The following C12orf56 variants were observed in gnomAD, a reference collection of about 807,000 sequenced individuals.
C12orf56 encodes the protein uncharacterized protein C12orf56.
C12orf56 carries 71 observed loss-of-function variants against 69.9 expected under a neutral mutation model. That is an observed-to-expected ratio of 1.02 (90% confidence interval 0.84 to 1.24). The LOEUF (loss-of-function observed/expected upper bound fraction) is 1.24, where lower values mean the gene tolerates loss of function less well. C12orf56 is among the 50% of genes most tolerant of loss of function. The probability of loss-of-function intolerance (pLI) is 0.00; values close to 1 mark genes in which losing one functional copy is unlikely to be tolerated. For missense variants in C12orf56, 732 were observed against 738.5 expected (o/e 0.99, Z 0.10); for synonymous variants, 276 against 274.1 (o/e 1.01, Z -0.07).
At chr12:64,309,062 T>C (rs900249618) in intron 5 of C12orf56, among the ~76,000 whole-genome samples, 1 of 152,208 alleles carries the variant, frequency 6.6e-6, no homozygotes, top group Non-Finnish European at 1.5e-5. Flanking sequence ...TTTGCCAATC[T>C]TGTTTTATCT....
intron 1 of C12orf56, among the ~76,000 whole-genome samples, chr12:64,379,957 C>G (rs1265280427): frequency 1.3e-5 from 2 of 148,880 alleles, no homozygotes; most frequent in African/African-American, 5.0e-5. Context: ...AAAAAGTCTC[C>G]GGGCGTGATG....
intron 6 of C12orf56, among the ~76,000 whole-genome samples, chr12:64,296,849 T>A (rs2038372037): frequency 7.1e-6 from 1 of 141,294 alleles, no homozygotes; most frequent in African/African-American, 2.6e-5. Context: ...GATAAAAAGA[T>A]GAGTTTGGCC....
In C12orf56 at chr12:64,275,232, T is replaced by C. The variant is rs1028595604; in HGVS notation, c.1509+66A>G. 1.4e-4 allele frequency: 99 copies of C among 717,638 alleles called. No homozygotes were observed. In the African/African-American group the frequency reaches 2.1e-3, roughly 15 times the overall value. 44.5% of individuals were successfully genotyped at this position (717,638 alleles called of 1,614,324 possible). On this transcript the variant is annotated intron_variant, in intron 10 of 12. Coordinates refer to ENST00000543942, the MANE Select transcript of C12orf56 (RefSeq NM_001170633.2). The stretch of plus-strand genomic sequence containing the variant: ...ATCACATAATATACATATATCATAA[T>C]ATATAATAGTCATGTAATTTATAGT...
chr12:64,330,650 C>T (rs1425253384), intron 3 of C12orf56, among the ~76,000 whole-genome samples: 3 of 152,060 alleles, frequency 2.0e-5, no homozygotes, highest in African/African-American at 7.2e-5. Flanking sequence ...CATCATAGGG[C>T]CTAACATAGT....
In C12orf56 at chr12:64,390,574, C is replaced by T. The variant is rs568595548; in HGVS notation, c.-9G>A. ...GGCAAGGGGCTGGCCATGCCCGGCG[C>T]CCGCAGCGTGGCGGAGTGCTGGGAC... On this transcript the variant is annotated 5_prime_UTR_variant, in exon 1 of 13. Transcript: ENST00000543942. The T allele has an allele frequency of 2.6e-6, 4 of 1,556,162 alleles. No homozygotes were observed. In the South Asian group the frequency reaches 4.6e-5, roughly 18 times the overall value.
intron 8 of C12orf56, 119 bp from the exon 9 acceptor site, chr12:64,277,922 C>A (rs1429516653): frequency 2.7e-6 from 2 of 741,344 alleles, no homozygotes; most frequent in Non-Finnish European, 3.8e-6. Context: ...TGCAGACCAT[C>A]CTTGACTGAA....
At chr12:64,315,553 G>A (rs934699815) in intron 4 of C12orf56, among the ~76,000 whole-genome samples, 5 of 152,104 alleles carry the variant, frequency 3.3e-5, no homozygotes, top group African/African-American at 1.2e-4. Context: ...CAACTCTTTG[G>A]AAACTCTTAA....
chr12:64,377,235 G>T (rs2039654672), intron 1 of C12orf56, among the ~76,000 whole-genome samples: 1 of 146,934 alleles, frequency 6.8e-6, no homozygotes, highest in African/African-American at 2.5e-5. Context: ...ATGTTGCCCA[G>T]GCTGGAGTGC....
chr12:64,305,069 C>G (rs1013823851), intron 5 of C12orf56, among the ~76,000 whole-genome samples: 3 of 152,086 alleles, frequency 2.0e-5, no homozygotes, highest in Admixed American at 2.0e-4. Flanking sequence ...TAAAAAACAT[C>G]TAAGATGTTC....
At chr12:64,308,321 C>G (rs2038542710) in intron 5 of C12orf56, among the ~76,000 whole-genome samples, 1 of 152,004 alleles carries the variant, frequency 6.6e-6, no homozygotes, top group Admixed American at 6.6e-5. Context: ...GACCCTGTAT[C>G]AATAAATACA....
At position 64,380,129 on chromosome 12, in the gene C12orf56, A is replaced by G. The variant is rs1382036394; in HGVS notation, c.252+10185T>C. On this transcript the variant is annotated intron_variant, in intron 1 of 12. Coordinates refer to ENST00000543942, the MANE Select transcript of C12orf56 (RefSeq NM_001170633.2). ...CAAAAAAAAAAAAAAAAAAAAAAAAAAAAAACAAAACAAACAAAAAAAAAC... is the reference window on the plus strand; with the variant it reads ...CAAAAAAAAAAAAAAAAAAAAAAAAGAAAAACAAAACAAACAAAAAAAAAC... 4.1e-5 allele frequency among the ~76,000 whole-genome samples: 2 copies of G among 49,322 alleles called. 1 individual carries two copies. The highest frequency in any genetic ancestry group is 1.1e-3 in the South Asian group (2 of 1,782). The allele number at this position is 49,322 out of a possible 152,430, so 32.4% of individuals were successfully genotyped here.
At chr12:64,352,087 GTTTTTGTTTTTGTTTTT>G (rs1459862254) in intron 2 of C12orf56, among the ~76,000 whole-genome samples, 37 of 105,584 alleles carry the variant, frequency 3.5e-4, no homozygotes, top group African/African-American at 9.2e-4. Flanking sequence ...AGGTTTTTTT[GTTTTTGTTTTTGTTTTT>G]TTTTTTTTTT....
At chr12:64,329,540 T>G (rs2038899673) in intron 3 of C12orf56, among the ~76,000 whole-genome samples, 1 of 151,492 alleles carries the variant, frequency 6.6e-6, no homozygotes, top group Non-Finnish European at 1.5e-5. Flanking sequence ...TTTTTTATTA[T>G]TACACTTTAA....
intron 1 of C12orf56, among the ~76,000 whole-genome samples, chr12:64,368,126 G>A (rs1390364825): frequency 1.3e-5 from 2 of 151,928 alleles, no homozygotes; most frequent in East Asian, 3.9e-4. Context: ...TTGAGACCAG[G>A]TCTTGCTCTT....
intron 10 of C12orf56, 95 bp downstream of exon 10, chr12:64,275,198 TATAAC>T (rs2038035287): frequency 9.7e-6 from 7 of 725,006 alleles, no homozygotes; most frequent in South Asian, 2.3e-5. Flanking sequence ...TTATTAATCA[TATAAC>T]ATAATCACAT....
chr12:64,386,366 A>C (rs1285133721), intron 1 of C12orf56, among the ~76,000 whole-genome samples: 1 of 140,316 alleles, frequency 7.1e-6, no homozygotes, highest in Non-Finnish European at 1.5e-5. Flanking sequence ...GGTGTGTGCT[A>C]CCACTGCTGG....
intron 2 of C12orf56, among the ~76,000 whole-genome samples, chr12:64,348,073 G>T (rs2039171821): frequency 6.6e-6 from 1 of 151,892 alleles, no homozygotes; most frequent in Admixed American, 6.6e-5. Context: ...GAAGACAGGG[G>T]TTGGAGATCA....
chr12:64,341,607 G>C (rs1374050998), intron 2 of C12orf56, among the ~76,000 whole-genome samples: 1 of 152,208 alleles, frequency 6.6e-6, no homozygotes, highest in African/African-American at 2.4e-5. Flanking sequence ...GGAATACCAT[G>C]AAGGTGGGTA....
At chr12:64,328,970 C>T (rs1042352553) in intron 3 of C12orf56, among the ~76,000 whole-genome samples, 3 of 151,088 alleles carry the variant, frequency 2.0e-5, no homozygotes, top group Admixed American at 1.3e-4. Context: ...GAAGCTGAAG[C>T]AGGAAAGTCG....
Sources: allele counts gnomAD v4.1 joint callset (sites outside exome capture counted in the v4.1 genomes callset), GRCh38; gene constraint gnomAD v4.1.1; transcripts MANE v1.5; gene names NCBI Gene and HGNC (gene_info 2026-07-23, HGNC 2026-07-21).